SIM2: variants seen among roughly 807,000 people sequenced by gnomAD.
SIM2 encodes SIM bHLH transcription factor 2, also known as single-minded homolog 2.
SIM2 carries 28 observed loss-of-function variants against 64.8 expected under a neutral mutation model. The ratio of observed to expected loss-of-function variants is 0.43; its 90% CI spans 0.32 to 0.59. The LOEUF (loss-of-function observed/expected upper bound fraction) is 0.59. Among genes scored for constraint, SIM2 ranks in the 20% least tolerant of loss-of-function variants. The pLI, the probability that SIM2 is intolerant of heterozygous loss-of-function variation, is 0.07. For synonymous variants in SIM2, 408 were observed against 391.1 expected (o/e 1.04, Z -0.51); for missense variants, 847 against 871.4 (o/e 0.97, Z 0.35).
chr21:36,745,275 G>T lies in SIM2; in HGVS notation c.1576+139G>T. The stretch of plus-strand genomic sequence containing the variant: ...TGCCCTCTTTCTGCTTCTAAGTAGG[G>T]CTTGCTGTGCTTTCTTGCTCTCAAT... On this transcript the variant is annotated intron_variant, in intron 10 of 10. Coordinates refer to ENST00000290399, the MANE Select transcript of SIM2 (RefSeq NM_005069.6). This position sits in a 1 kb window ranked among gnomAD's most constrained non-coding sequence, Gnocchi z 4.8. 6.2e-6 allele frequency: 9 copies of T among 1,459,374 alleles called. No individual in the cohort carries two copies. The highest frequency in any genetic ancestry group is 8.2e-6 in the Non-Finnish European group (9 of 1,103,342). The allele number at this position is 1,459,374 out of a possible 1,614,324, so 90.4% of individuals were successfully genotyped here. A position where few individuals can be genotyped will look rare whatever the true frequency, so the allele number is the denominator to read the frequency against.
rs2088647822 is a variant in SIM2 at position 36,709,673 on chromosome 21, G to C, written c.258+423G>C. 4 of 353,476 alleles carry C rather than the reference G, an allele frequency of 1.1e-5. No individual in the cohort carries two copies. The East Asian group carries it at 2.4e-4, about 21-fold the overall frequency. The allele number at this position is 353,476 out of a possible 1,614,324, so 21.9% of individuals were successfully genotyped here. On this transcript the variant is annotated intron_variant, in intron 2 of 10. Transcript: ENST00000290399. The stretch of plus-strand genomic sequence containing the variant: ...CATTCGGCCGCTGTGTGTGTGCAAG[G>C]GGCGCAAGGACGGAGAGACAGCATC...
intron 3 of SIM2, among the ~76,000 whole-genome samples, chr21:36,715,071 A>G (rs1326549731): frequency 1.3e-5 from 2 of 152,240 alleles, no homozygotes; most frequent in African/African-American, 4.8e-5. Context: ...GATCATTTGC[A>G]TAGAGCAACT....
chr21:36,747,937 C>T lies in SIM2; in HGVS notation c.1849C>T (p.Pro617Ser). ...ARRGPLGGAAPAASGLACAPG... is the reference protein window; with the variant it reads ...ARRGPLGGAASAASGLACAPG... Reference sequence around the variant, plus strand: ...GCGCGGACCGCTGGGGGGCGCCGCACCCGCCGCCTCCGGCCTGGCCTGCGC... The same window carrying T: ...GCGCGGACCGCTGGGGGGCGCCGCATCCGCCGCCTCCGGCCTGGCCTGCGC... The change falls in exon 11 of 11, where the codon CCC becomes TCC. Residue 617 changes from proline (P) to serine (S), a missense_variant. Transcript: ENST00000290399. The surrounding 1 kb of genome is among the most constrained non-coding windows in gnomAD (Gnocchi z 4.5). 1 of 1,029,448 alleles carries T rather than the reference C, an allele frequency of 9.7e-7. No individual in the cohort carries two copies. Among genetic ancestry groups the T allele is most frequent in the Non-Finnish European group, 1.2e-6 (1 of 859,084 alleles). 63.8% of individuals were successfully genotyped at this position (1,029,448 alleles called of 1,614,324 possible).
rs1021668534 is a variant in SIM2 at position 36,726,198 on chromosome 21, T to C, written c.623T>C (p.Val208Ala). 4 of 1,613,898 alleles carry C rather than the reference T, an allele frequency of 2.5e-6. 1 individual carries two copies. Among genetic ancestry groups the C allele is most frequent in the Middle Eastern group, 1.6e-4 (1 of 6,084 alleles). The change falls in exon 6 of 11, where the codon GTG becomes GCG. Residue 208 changes from valine to alanine, a missense_variant. Val to Ala is a moderately conservative substitution (Grantham distance 64, BLOSUM62 0). Transcript: ENST00000290399. This position sits in a 1 kb window ranked among gnomAD's most constrained non-coding sequence, Gnocchi z 4.5. ...MSLYDSCYQI[V>A]GLVAVGQSLP... The stretch of plus-strand genomic sequence containing the variant: ...CTGTACGACTCCTGCTACCAGATTG[T>C]GGGGCTGGTGGCCGTGGGCCAGTCG...
chr21:36,743,564 C>A lies in SIM2; in HGVS notation c.1167+9C>A. ...ACCCTTACCCCCCACAGGTAACACG[C>A]ATGTCCTGCAGTTTTGGGGTGCTGA... is the stretch of plus-strand genomic sequence containing the variant. On this transcript the variant is annotated intron_variant, in intron 9 of 10. Coordinates refer to ENST00000290399, the MANE Select transcript of SIM2 (RefSeq NM_005069.6). 2 of 1,611,648 alleles carry A rather than the reference C, an allele frequency of 1.2e-6. No individual in the cohort carries two copies. Among genetic ancestry groups the A allele is most frequent in the Non-Finnish European group, 1.7e-6 (2 of 1,178,850 alleles).
chr21:36,748,135 G>C lies in SIM2; in HGVS notation c.*43G>C. 9.1e-7 allele frequency: 1 copy of C among 1,103,642 alleles called. No individual in the cohort carries two copies. Among genetic ancestry groups the C allele is most frequent in the East Asian group, 3.9e-5 (1 of 25,582 alleles). 68.4% of individuals were successfully genotyped at this position (1,103,642 alleles called of 1,614,324 possible). Reference sequence around the variant, plus strand: ...CCAGGAGCCTGGACCCGGCCTCCCGGGGCTGCGGCGCCACCGAGCCCGGCA... The same window carrying C: ...CCAGGAGCCTGGACCCGGCCTCCCGCGGCTGCGGCGCCACCGAGCCCGGCA... On this transcript the variant is annotated 3_prime_UTR_variant, in exon 11 of 11. Transcript: ENST00000290399.
chr21:36,725,065 G>A (rs1412664949), intron 5 of SIM2, among the ~76,000 whole-genome samples: 1 of 152,142 alleles, frequency 6.6e-6, no homozygotes, highest in East Asian at 1.9e-4. Flanking sequence ...TTGTACTGGG[G>A]CAGGGCACAG....
intron 1 of SIM2, 82 bp downstream of exon 1, chr21:36,700,003 A>G (rs1346792103): frequency 9.9e-6 from 14 of 1,410,378 alleles, no homozygotes; most frequent in Non-Finnish European, 1.2e-5. Context: ...CAGCCCGCCC[A>G]GAGGGGTTGC....
intron 3 of SIM2, among the ~76,000 whole-genome samples, chr21:36,714,510 G>A (rs988557052): frequency 7.2e-5 from 11 of 152,136 alleles, no homozygotes; most frequent in African/African-American, 2.4e-4. Context: ...TTTAAGGATC[G>A]TGGTGAGAAA....
chr21:36,711,110 T>C (rs930087489), intron 2 of SIM2, among the ~76,000 whole-genome samples: 11 of 152,344 alleles, frequency 7.2e-5, no homozygotes, highest in Non-Finnish European at 4.4e-5. Flanking sequence ...TACGAAGTCA[T>C]ACCCAACATT....
chr21:36,732,136 G>A (rs979830213), intron 7 of SIM2, among the ~76,000 whole-genome samples: 1 of 152,166 alleles, frequency 6.6e-6, no homozygotes, highest in East Asian at 1.9e-4. Flanking sequence ...ATTTGTCTCC[G>A]CCTCCCAAAG....
At chr21:36,714,332 G>A (rs2123439042) in intron 3 of SIM2, among the ~76,000 whole-genome samples, 1 of 152,246 alleles carries the variant, frequency 6.6e-6, no homozygotes, top group South Asian at 2.1e-4. Flanking sequence ...TTTAAAATAG[G>A]TAAAGTCACT....
In SIM2 at chr21:36,743,270, T is replaced by C. The variant is rs1346511640; in HGVS notation, c.999-117T>C. ...TGTCTCAAATCCCATCCACATCCAA[T>C]CCCAGTGAAAAGACACACTGGAGCA... On this transcript the variant is annotated intron_variant, in intron 8 of 10. Transcript: ENST00000290399. 5 of 857,238 alleles carry C rather than the reference T, an allele frequency of 5.8e-6. No homozygotes were observed. The African/African-American group carries it at 8.5e-5, about 15-fold the overall frequency. The allele number at this position is 857,238 out of a possible 1,614,324, so 53.1% of individuals were successfully genotyped here. A position where few individuals can be genotyped will look rare whatever the true frequency, so the allele number is the denominator to read the frequency against.
chr21:36,706,546 G>A (rs546670511), intron 1 of SIM2, among the ~76,000 whole-genome samples: 133 of 152,372 alleles, frequency 8.7e-4, no homozygotes, highest in Non-Finnish European at 1.6e-3. Context: ...TCCAGATGAG[G>A]ACCACGTGCT....
chr21:36,740,126 G>A (rs1489686572), intron 7 of SIM2, among the ~76,000 whole-genome samples: 1 of 146,524 alleles, frequency 6.8e-6, no homozygotes, highest in South Asian at 2.1e-4. Flanking sequence ...TTTTTTTTTA[G>A]ATAAAATTCA....
chr21:36,704,767 CG>C (rs1260198137), intron 1 of SIM2, among the ~76,000 whole-genome samples: 1 of 152,222 alleles, frequency 6.6e-6, no homozygotes, highest in Non-Finnish European at 1.5e-5. Flanking sequence ...GGCGACAAGC[CG>C]GGCCAGGCTA....
At chr21:36,721,807 G>T (rs1309889621) in intron 4 of SIM2, among the ~76,000 whole-genome samples, 1 of 152,060 alleles carries the variant, frequency 6.6e-6, no homozygotes, top group African/African-American at 2.4e-5. Flanking sequence ...ATTTTACCCT[G>T]CCTGGGTCAT....
intron 3 of SIM2, among the ~76,000 whole-genome samples, chr21:36,715,806 A>C (rs2088739429): frequency 6.6e-6 from 1 of 152,196 alleles, no homozygotes; most frequent in South Asian, 2.1e-4. Flanking sequence ...ATGATTCTTT[A>C]TGGGTTATAA....
intron 3 of SIM2, among the ~76,000 whole-genome samples, chr21:36,717,331 A>G (rs911318273): frequency 2.0e-5 from 3 of 152,172 alleles, no homozygotes; most frequent in African/African-American, 7.2e-5. Flanking sequence ...CCCTGAAAAC[A>G]TGGGGAAGGG....
Sources: allele counts gnomAD v4.1 joint callset (sites outside exome capture counted in the v4.1 genomes callset), GRCh38; gene constraint gnomAD v4.1.1; non-coding constraint Gnocchi (gnomAD v3.1); transcripts MANE v1.5; gene names NCBI Gene and HGNC (gene_info 2026-07-23, HGNC 2026-07-21).